DDX42: variants seen among roughly 807,000 people sequenced by gnomAD.
The protein encoded by DDX42 is ATP-dependent RNA helicase DDX42.
In DDX42, 22 loss-of-function variants were observed where a neutral mutation model predicts 101.5. The observed-to-expected ratio is 0.22, with a 90% confidence interval of 0.15 to 0.31. The LOEUF is 0.31. Ranked by LOEUF, DDX42 falls within the 10% of genes least tolerant of loss-of-function variation. The pLI, the probability that DDX42 is intolerant of heterozygous loss-of-function variation, is 1.00. For synonymous variants in DDX42, 402 were observed against 401.2 expected, an observed-to-expected ratio of 1.00 and a Z score of -0.02; for missense variants, 849 against 1,199.9, an observed-to-expected ratio of 0.71 and a Z score of 4.32.
Position 63,818,459 on chromosome 17 carries a change from A to G in DDX42, c.*61A>G. The stretch of plus-strand genomic sequence containing the variant: ...AATTTTTAGAAAGATTTTGGTAACT[A>G]GGTGTCTCAGGGCTGGGTTGGGGTC... On this transcript the variant is annotated 3_prime_UTR_variant, in exon 18 of 18. Transcript: ENST00000389924. The G allele has an allele frequency of 1.3e-6, 2 of 1,501,538 alleles. No individual in the cohort carries two copies. The highest frequency in any genetic ancestry group is 2.3e-4 in the Middle Eastern group (1 of 4,276). 93.0% of individuals were successfully genotyped at this position (1,501,538 alleles called of 1,614,324 possible). A position where few individuals can be genotyped will look rare whatever the true frequency, so the allele number is the denominator to read the frequency against.
intron 3 of DDX42, among the ~76,000 whole-genome samples, chr17:63,795,831 A>G (rs1237855098): frequency 6.6e-6 from 1 of 152,218 alleles, no homozygotes; most frequent in African/African-American, 2.4e-5. Flanking sequence ...ACTGAAGAAT[A>G]TACACCTAAT....
chr17:63,815,107 T>TC (rs1438767647), intron 15 of DDX42, among the ~76,000 whole-genome samples: 5 of 152,270 alleles, frequency 3.3e-5, no homozygotes, highest in Admixed American at 3.3e-4. Context: ...TGGGAGTCTG[T>TC]CCCTATAGTC....
intron 4 of DDX42, 152 bp downstream of exon 4, chr17:63,798,251 A>G (rs1352209857): frequency 4.7e-6 from 3 of 634,192 alleles, no homozygotes; most frequent in Non-Finnish European, 5.4e-6. Flanking sequence ...CTTTAAGAAT[A>G]GAGATGGCAA....
At chr17:63,800,931 TTCTTTTCTTTCCTTCCTTCCTTTCTTTC>T (rs1277766260) in intron 6 of DDX42, among the ~76,000 whole-genome samples, 12 of 141,680 alleles carry the variant, frequency 8.5e-5, no homozygotes, top group Non-Finnish European at 1.5e-4. Context: ...CTTCCTTTCT[TTCTTTTCTTTCCTTCCTTCCTTTCTTTC>T]TTTTTCTTTT....
At position 63,805,107 on chromosome 17, in the gene DDX42, G is replaced by T; in HGVS notation, c.658G>T (p.Glu220Ter). The T allele has an allele frequency of 6.2e-7, 1 of 1,612,452 alleles. No individual in the cohort carries two copies. The highest frequency in any genetic ancestry group is 1.1e-5 in the South Asian group (1 of 90,450). The change falls in exon 7 of 18, where the codon GAG becomes TAG. Residue 220 changes from glutamate (E) to a stop codon, truncating the protein, a stop_gained. Transcript: ENST00000389924. LOFTEE classifies it high-confidence loss of function. ...YPPFEKNFYN[E>*]HEEITNLTPQ... ...ACCATTTGAAAAAAACTTTTACAAT[G>T]AGCATGAAGAGATAACCAACCTCAC...
chr17:63,809,840 GT>G (rs1439237849), intron 11 of DDX42, among the ~76,000 whole-genome samples, 181 bp downstream of exon 11: 5 of 152,116 alleles, frequency 3.3e-5, no homozygotes, highest in Non-Finnish European at 1.5e-5. Flanking sequence ...AGTATGTTAG[GT>G]TTTATTGGGT....
intron 8 of DDX42, 48 bp downstream of exon 8, chr17:63,806,702 G>C: frequency 6.4e-7 from 1 of 1,554,706 alleles, no homozygotes; most frequent in Non-Finnish European, 8.7e-7. Context: ...AGTCTTTCAT[G>C]ACTATATTAA....
intron 3 of DDX42, among the ~76,000 whole-genome samples, chr17:63,795,974 A>G (rs991712809): frequency 6.6e-6 from 1 of 152,196 alleles, no homozygotes; most frequent in Non-Finnish European, 1.5e-5. Flanking sequence ...CACCCAGACT[A>G]TTCAGGGTAT....
At chr17:63,793,668 C>T (rs1044042447) in intron 3 of DDX42, among the ~76,000 whole-genome samples, 12 of 151,986 alleles carry the variant, frequency 7.9e-5, no homozygotes, top group African/African-American at 2.7e-4. Flanking sequence ...ATGTTATTGT[C>T]GCACCCAAAA....
intron 10 of DDX42, among the ~76,000 whole-genome samples, chr17:63,809,253 A>C (rs141605137): frequency 6.6e-6 from 1 of 152,372 alleles, no homozygotes; most frequent in East Asian, 1.9e-4. Flanking sequence ...AATAGCCTAG[A>C]AGAGTGTAGT....
intron 4 of DDX42, among the ~76,000 whole-genome samples, chr17:63,798,625 A>G (rs927990857): frequency 6.6e-6 from 1 of 152,222 alleles, no homozygotes; most frequent in Non-Finnish European, 1.5e-5. Flanking sequence ...GAGGGCTGTA[A>G]TAATACCTAA....
chr17:63,779,286 C>T (rs1453320091), intron 1 of DDX42, among the ~76,000 whole-genome samples: 2 of 151,954 alleles, frequency 1.3e-5, no homozygotes, highest in African/African-American at 4.8e-5. Context: ...TTTTTTGAGA[C>T]GCAGTCTCAC....
At chr17:63,790,820 A>G (rs1598328146) in intron 2 of DDX42, among the ~76,000 whole-genome samples, 1 of 151,994 alleles carries the variant, frequency 6.6e-6, no homozygotes, top group East Asian at 1.9e-4. Flanking sequence ...AATGCCAGCT[A>G]TTTGGGAGAC....
intron 1 of DDX42, among the ~76,000 whole-genome samples, chr17:63,784,936 A>C (rs2039528261): frequency 6.6e-6 from 1 of 152,238 alleles, no homozygotes; most frequent in African/African-American, 2.4e-5. Context: ...TAGTGAAGAA[A>C]TAGATATCTA....
intron 1 of DDX42, among the ~76,000 whole-genome samples, chr17:63,776,774 T>A (rs1186580462): frequency 1.3e-5 from 2 of 151,862 alleles, no homozygotes; most frequent in Non-Finnish European, 2.9e-5. Flanking sequence ...CCTCTTACCA[T>A]TTTTTATAGA....
chr17:63,773,848 C>T (rs1251789816), upstream of DDX42: 2 of 153,282 alleles, frequency 1.3e-5, no homozygotes, highest in African/African-American at 4.8e-5. Context: ...CTGTGTGGGA[C>T]CACGTGGCCA....
intron 4 of DDX42, 34 bp downstream of exon 4, chr17:63,798,133 G>T (rs753592017): frequency 6.2e-7 from 1 of 1,600,728 alleles, no homozygotes; most frequent in Non-Finnish European, 8.5e-7. Context: ...CAAAGGTTAC[G>T]TGAAAACTGC....
At position 63,819,076 on chromosome 17, in the gene DDX42, A is replaced by G. The variant is rs1447074110; in HGVS notation, c.*678A>G. The G allele has an allele frequency of 1.3e-5, 2 of 152,432 alleles. No homozygotes were observed. The highest frequency in any genetic ancestry group is 2.9e-5 in the Non-Finnish European group (2 of 68,044). The allele number at this position is 152,432 out of a possible 1,614,324, so 9.4% of individuals were successfully genotyped here. On this transcript the variant is annotated 3_prime_UTR_variant, in exon 18 of 18. Transcript: ENST00000389924. Reference sequence around the variant, plus strand: ...CTCCAGGTTTGAGATGGTATTGCTAAATTTAAAATTAAACAAGAAACCCAA... The same window carrying G: ...CTCCAGGTTTGAGATGGTATTGCTAGATTTAAAATTAAACAAGAAACCCAA...
At chr17:63,778,662 A>G (rs2039450125) in intron 1 of DDX42, among the ~76,000 whole-genome samples, 1 of 150,898 alleles carries the variant, frequency 6.6e-6, no homozygotes, top group African/African-American at 2.4e-5. Flanking sequence ...TTTTTTTAAG[A>G]CAGCATCTCG....
Sources: gnomAD v4.1 joint callset for allele counts (sites outside exome capture counted in the v4.1 genomes callset) on GRCh38, gnomAD v4.1.1 for gene constraint, MANE v1.5 for transcripts, NCBI Gene and HGNC (gene_info 2026-07-23, HGNC 2026-07-21) for gene names.